NOX4: variants seen among roughly 807,000 people sequenced by gnomAD.
The protein encoded by NOX4 is kidney oxidase-1.
A neutral mutation model predicts 87.6 loss-of-function variants in NOX4; 69 were observed. The observed-to-expected ratio is 0.79, with a 90% CI of 0.65 to 0.96. The LOEUF (loss-of-function observed/expected upper bound fraction) is 0.96, where lower values mean the gene tolerates loss of function less well. Among genes scored for constraint, NOX4 ranks in the 40% least tolerant of loss-of-function variants. The pLI is 0.00. For missense variants in NOX4, 680 were observed against 681.5 expected (o/e 1.00, Z 0.02); for synonymous variants, 275 against 238.2 (o/e 1.15, Z -1.42).
chr11:89,584,238 A>G, the NOX4 span, among the ~76,000 whole-genome samples: 1 of 152,120 alleles, frequency 6.6e-6, no homozygotes, highest in Non-Finnish European at 1.5e-5. Context: ...GGAATTATCT[A>G]GGCCTTAAAT....
the NOX4 span, among the ~76,000 whole-genome samples, chr11:89,583,140 C>T: frequency 6.6e-6 from 1 of 151,964 alleles, no homozygotes; most frequent in East Asian, 1.9e-4. Context: ...CAAACAATGG[C>T]CAAAATGATC....
At chr11:89,405,088 G>T (rs961857432) in intron 8 of NOX4, among the ~76,000 whole-genome samples, 2 of 150,802 alleles carry the variant, frequency 1.3e-5, no homozygotes. Context: ...GATTGTGTGT[G>T]TGTGTGTGTG....
the NOX4 span, among the ~76,000 whole-genome samples, chr11:89,531,614 T>C: frequency 6.6e-6 from 1 of 152,222 alleles, no homozygotes; most frequent in African/African-American, 2.4e-5. Flanking sequence ...GCTGTTCTCA[T>C]GACAGTGAGT....
chr11:89,458,367 A>G (rs1287356544), intron 2 of NOX4, among the ~76,000 whole-genome samples: 1 of 152,214 alleles, frequency 6.6e-6, no homozygotes, highest in Non-Finnish European at 1.5e-5. Context: ...CTGGAAGATA[A>G]CCTGGTAAAA....
intron 2 of NOX4, among the ~76,000 whole-genome samples, chr11:89,469,084 A>G (rs1945821278): frequency 6.6e-6 from 1 of 152,190 alleles, no homozygotes; most frequent in South Asian, 2.1e-4. Context: ...TGGCAAAGCT[A>G]TTAAAATGTA....
At chr11:89,521,137 C>T in the NOX4 span, among the ~76,000 whole-genome samples, 1 of 152,004 alleles carries the variant, frequency 6.6e-6, no homozygotes, top group Non-Finnish European at 1.5e-5. Context: ...ATGCTATTCA[C>T]ATCAAACTCT....
intron 13 of NOX4, among the ~76,000 whole-genome samples, chr11:89,351,464 T>C (rs1020263660): frequency 5.9e-5 from 9 of 152,274 alleles, no homozygotes; most frequent in African/African-American, 1.9e-4. Flanking sequence ...AGATTTTCAA[T>C]GTAGACAAGA....
chr11:89,555,096 G>A, the NOX4 span, among the ~76,000 whole-genome samples: 1 of 151,922 alleles, frequency 6.6e-6, no homozygotes, highest in African/African-American at 2.4e-5. Context: ...TCCTGCCCCA[G>A]TTCTCCTTAC....
At chr11:89,541,393 T>G in the NOX4 span, among the ~76,000 whole-genome samples, 2 of 152,176 alleles carry the variant, frequency 1.3e-5, no homozygotes, top group Non-Finnish European at 2.9e-5. Context: ...TACCAACTAC[T>G]TCCTCAAAGT....
intron 6 of NOX4, among the ~76,000 whole-genome samples, chr11:89,434,159 AC>A (rs1195965539): frequency 1.3e-5 from 2 of 152,122 alleles, no homozygotes; most frequent in Non-Finnish European, 2.9e-5. Context: ...CACCTTGTGT[AC>A]AATGTAAGAG....
the NOX4 span, among the ~76,000 whole-genome samples, chr11:89,536,702 C>G: frequency 1.5e-3 from 227 of 152,146 alleles, 1 homozygote; most frequent in African/African-American, 5.3e-3. Context: ...TTTTCTCCTC[C>G]TCCTCATTAT....
At chr11:89,532,438 A>C in the NOX4 span, among the ~76,000 whole-genome samples, 9 of 152,168 alleles carry the variant, frequency 5.9e-5, no homozygotes, top group African/African-American at 2.2e-4. Context: ...GAATTTCTGT[A>C]GTCCCTTTGT....
chr11:89,545,949 T>A, the NOX4 span, among the ~76,000 whole-genome samples: 1 of 152,184 alleles, frequency 6.6e-6, no homozygotes, highest in Non-Finnish European at 1.5e-5. Context: ...GGCACACCCA[T>A]CAGCCCCTGT....
chr11:89,574,841 GT>G, the NOX4 span, among the ~76,000 whole-genome samples: 3 of 152,206 alleles, frequency 2.0e-5, no homozygotes, highest in African/African-American at 7.2e-5. Flanking sequence ...CTATGGCTGT[GT>G]TTTAATAATT....
chr11:89,478,505 A>C (rs1234512503), intron 2 of NOX4, among the ~76,000 whole-genome samples: 1 of 152,198 alleles, frequency 6.6e-6, no homozygotes, highest in Non-Finnish European at 1.5e-5. Context: ...AAATATTACC[A>C]TAGTTGATAT....
the NOX4 span, among the ~76,000 whole-genome samples, chr11:89,570,190 C>T: frequency 1.3e-5 from 2 of 152,172 alleles, no homozygotes; most frequent in African/African-American, 4.8e-5. Context: ...AGAACGAAGT[C>T]ATGTCCTTTG....
intron 14 of NOX4, among the ~76,000 whole-genome samples, chr11:89,341,165 G>A (rs1330246687): frequency 3.9e-5 from 5 of 126,824 alleles, no homozygotes; most frequent in Non-Finnish European, 6.2e-5. Flanking sequence ...CTCTGTCACC[G>A]AGACTGGAGT....
chr11:89,433,394 A>C (rs1173328672), intron 6 of NOX4, among the ~76,000 whole-genome samples: 1 of 152,054 alleles, frequency 6.6e-6, no homozygotes, highest in Non-Finnish European at 1.5e-5. Context: ...ACTTACTTCT[A>C]AAAGTATACA....
chr11:89,360,024 G>GTC (rs1401246742), intron 12 of NOX4, among the ~76,000 whole-genome samples: 2 of 151,836 alleles, frequency 1.3e-5, no homozygotes, highest in Non-Finnish European at 2.9e-5. Context: ...CTCTATTAAA[G>GTC]TCTTTACCTT....
Sources: gnomAD v4.1 joint callset for allele counts (sites outside exome capture counted in the v4.1 genomes callset) on GRCh38, gnomAD v4.1.1 for gene constraint, MANE v1.5 for transcripts, NCBI Gene and HGNC (gene_info 2026-07-23, HGNC 2026-07-21) for gene names.